AP1S3: variants seen among roughly 807,000 people sequenced by gnomAD.
AP1S3 encodes the protein adaptor related protein complex 1 subunit sigma 3.
A neutral mutation model predicts 20.9 loss-of-function variants in AP1S3; 10 were observed. The ratio of observed to expected loss-of-function variants is 0.48; its 90% CI spans 0.29 to 0.81. The LOEUF is 0.81. Among genes scored for constraint, AP1S3 ranks in the 30% least tolerant of loss-of-function variants. The pLI is 0.08. For synonymous variants in AP1S3, 41 were observed against 61.5 expected (o/e 0.67, Z 1.56); for missense variants, 154 against 183.8 (o/e 0.84, Z 0.94).
chr2:223,806,896 GT>G (rs889545976), intron 1 of AP1S3, among the ~76,000 whole-genome samples: 11 of 151,506 alleles, frequency 7.3e-5, no homozygotes, highest in African/African-American at 2.4e-4. Flanking sequence ...CTACATTTCT[GT>G]TTTTTTTCTA....
At chr2:223,766,881 A>G (rs1690497071) in intron 3 of AP1S3, among the ~76,000 whole-genome samples, 1 of 152,238 alleles carries the variant, frequency 6.6e-6, no homozygotes, top group Non-Finnish European at 1.5e-5. Flanking sequence ...GCCATAAAAA[A>G]AGATGAGTTC....
chr2:223,829,836 CAAAAAAAAACA>C (rs1178562917), intron 1 of AP1S3, among the ~76,000 whole-genome samples: 2 of 119,150 alleles, frequency 1.7e-5, no homozygotes, highest in Non-Finnish European at 3.6e-5. Context: ...GACTCCATCT[CAAAAAAAAACA>C]AAAAAAAAAC....
At chr2:223,803,055 A>T (rs1195047198) in intron 1 of AP1S3, among the ~76,000 whole-genome samples, 1 of 152,110 alleles carries the variant, frequency 6.6e-6, no homozygotes, top group Admixed American at 6.6e-5. Flanking sequence ...GACTGCTTGA[A>T]CCCTGTTGAA....
rs192102567 is a variant in AP1S3 at position 223,755,586 on chromosome 2, A to T, written c.*3129T>A. Among the ~76,000 whole-genome samples the T allele has an allele frequency of 6.9e-6, 1 of 145,268 alleles. No individual in the cohort carries two copies. The highest frequency in any genetic ancestry group is 1.5e-5 in the Non-Finnish European group (1 of 67,338). ...CACTCTGTCACCCGGGCTGGAGTAC[A>T]GTGGCGTGATCTCAGCTCACTGCAA... On this transcript the variant is annotated 3_prime_UTR_variant, in exon 5 of 5. Coordinates refer to ENST00000396654, the MANE Select transcript of AP1S3 (RefSeq NM_001039569.2).
At chr2:223,781,114 G>A (rs1690935770) in intron 1 of AP1S3, among the ~76,000 whole-genome samples, 1 of 152,052 alleles carries the variant, frequency 6.6e-6, no homozygotes, top group Admixed American at 6.6e-5. Context: ...CAGAGGACAT[G>A]ATTTTGTTCT....
chr2:223,828,290 T>TCA (rs201363176), intron 1 of AP1S3, among the ~76,000 whole-genome samples: 1,582 of 134,406 alleles, frequency 0.012, 82 homozygotes, highest in African/African-American at 0.04. Context: ...CATTCTCCTC[T>TCA]CTCTCTTTTT....
rs555163324 is a variant in AP1S3, at chr2:223,796,955, C to T, written c.4-19086G>A. On this transcript the variant is annotated intron_variant, in intron 1 of 4. Coordinates refer to ENST00000396654, the MANE Select transcript of AP1S3 (RefSeq NM_001039569.2). The stretch of plus-strand genomic sequence containing the variant: ...CTGGGATTACAGGCATGAGCCACGG[C>T]GCCTGGCCCTCTAACGACTTTTTCT... Among the ~76,000 whole-genome samples the T allele has an allele frequency of 2.6e-5, 4 of 152,282 alleles. 1 individual carries two copies. The highest frequency in any genetic ancestry group is 9.6e-5 in the African/African-American group (4 of 41,564).
chr2:223,786,641 G>T (rs1691084691), intron 1 of AP1S3, among the ~76,000 whole-genome samples: 1 of 152,014 alleles, frequency 6.6e-6, no homozygotes, highest in South Asian at 2.1e-4. Context: ...AGAAGGTCAG[G>T]TGTGGTGGCT....
rs750782156 is a variant in AP1S3 at position 223,777,920 on chromosome 2, C to T, written c.4-51G>A. ...AACCTGATCAACCAAGTCACTCTGC[C>T]GTTCTGCAAAGACACTGAAATTCAA... On this transcript the variant is annotated intron_variant, in intron 1 of 4. Transcript: ENST00000396654. 47 of 1,508,666 alleles carry T rather than the reference C, an allele frequency of 3.1e-5. 1 individual carries two copies. The highest frequency in any genetic ancestry group is 3.8e-5 in the Non-Finnish European group (42 of 1,111,116). The allele number at this position is 1,508,666 out of a possible 1,614,324, so 93.5% of individuals were successfully genotyped here. A position where few individuals can be genotyped will look rare whatever the true frequency, so the allele number is the denominator to read the frequency against.
intron 1 of AP1S3, among the ~76,000 whole-genome samples, chr2:223,778,151 A>G (rs1371812799): frequency 6.6e-6 from 1 of 150,640 alleles, no homozygotes; most frequent in African/African-American, 2.5e-5. Flanking sequence ...TTTGAGAAGG[A>G]GTGTCGCTCT....
intron 4 of AP1S3, among the ~76,000 whole-genome samples, chr2:223,763,377 A>G (rs1435213719): frequency 6.6e-6 from 1 of 152,198 alleles, no homozygotes; most frequent in Non-Finnish European, 1.5e-5. Flanking sequence ...AAATTAACCC[A>G]GGTGTGTCTT....
chr2:223,824,310 G>C (rs771992084), intron 1 of AP1S3, among the ~76,000 whole-genome samples: 1 of 151,858 alleles, frequency 6.6e-6, no homozygotes, highest in Non-Finnish European at 1.5e-5. Context: ...GCTATAGATG[G>C]TTTTTTAAAG....
chr2:223,763,556 T>C (rs986040504), intron 4 of AP1S3, among the ~76,000 whole-genome samples: 2 of 152,174 alleles, frequency 1.3e-5, no homozygotes, highest in Admixed American at 6.5e-5. Flanking sequence ...AACACTGTTT[T>C]GTGAAATTTC....
At chr2:223,762,455 T>C (rs1028596549) in intron 4 of AP1S3, among the ~76,000 whole-genome samples, 1 of 151,990 alleles carries the variant, frequency 6.6e-6, no homozygotes, top group East Asian at 1.9e-4. Flanking sequence ...GTATTTTTAG[T>C]AGGGATGGGA....
chr2:223,764,453 G>A (rs1690431211), intron 4 of AP1S3, among the ~76,000 whole-genome samples: 1 of 152,052 alleles, frequency 6.6e-6, no homozygotes, highest in Admixed American at 6.6e-5. Flanking sequence ...ATGTAGGTAA[G>A]TTCCCTGAGG....
intron 1 of AP1S3, among the ~76,000 whole-genome samples, chr2:223,828,996 CA>C (rs1692199120): frequency 6.6e-6 from 1 of 152,170 alleles, no homozygotes; most frequent in Non-Finnish European, 1.5e-5. Flanking sequence ...CCACTGCACC[CA>C]GCTAGTTTTT....
At chr2:223,803,469 G>A (rs1691512534) in intron 1 of AP1S3, among the ~76,000 whole-genome samples, 1 of 152,172 alleles carries the variant, frequency 6.6e-6, no homozygotes, top group Non-Finnish European at 1.5e-5. Context: ...TGGCACTTAG[G>A]ATGGTGGTAA....
chr2:223,769,736 A>ATTTTTTTTTT (rs61207667), intron 3 of AP1S3, among the ~76,000 whole-genome samples: 5 of 80,120 alleles, frequency 6.2e-5, no homozygotes, highest in Non-Finnish European at 1.1e-4. Flanking sequence ...ATGCAATCCC[A>ATTTTTTTTTT]TTTTTTTTTT....
At chr2:223,828,982 C>T (rs1031668487) in intron 1 of AP1S3, among the ~76,000 whole-genome samples, 3 of 152,116 alleles carry the variant, frequency 2.0e-5, no homozygotes, top group Non-Finnish European at 2.9e-5. Context: ...ATTACAGGCG[C>T]CTGCCACTGC....
Sources: allele counts gnomAD v4.1 joint callset (sites outside exome capture counted in the v4.1 genomes callset), GRCh38; gene constraint gnomAD v4.1.1; transcripts MANE v1.5; gene names NCBI Gene and HGNC (gene_info 2026-07-23, HGNC 2026-07-21).